The following TXNRD2 variants were observed in gnomAD, a reference collection of about 807,000 sequenced individuals.
The protein encoded by TXNRD2 is thioredoxin reductase 2, mitochondrial.
TXNRD2 carries 67 observed loss-of-function variants against 70.8 expected under a neutral mutation model. The observed-to-expected ratio is 0.95, with a 90% CI of 0.78 to 1.16. TXNRD2 has a LOEUF of 1.16. Among genes scored for constraint, TXNRD2 ranks in the 50% most tolerant of loss-of-function variants. TXNRD2 has a pLI of 0.00. For missense variants in TXNRD2, 644 were observed against 719.9 expected, an observed-to-expected ratio of 0.89 and a Z score of 1.21; for synonymous variants, 301 against 295.8, an observed-to-expected ratio of 1.02 and a Z score of -0.18.
rs144620598 is a variant in TXNRD2 at position 19,899,770 on chromosome 22, C to T, written c.663-702G>A. Among the ~76,000 whole-genome samples the T allele has an allele frequency of 2.8e-4, 43 of 152,336 alleles. 1 individual carries two copies. The South Asian group carries it at 7.9e-3, about 28-fold the overall frequency. ...ACACCTGCATGCACATACTCTTACACGGGCACAAATGTACACACACACGCA... is the reference window on the plus strand; with the variant it reads ...ACACCTGCATGCACATACTCTTACATGGGCACAAATGTACACACACACGCA... On this transcript the variant is annotated intron_variant, in intron 8 of 17. Transcript: ENST00000400521.
intron 2 of TXNRD2, among the ~76,000 whole-genome samples, chr22:19,928,373 A>C (rs1941231131): frequency 6.6e-6 from 1 of 152,174 alleles, no homozygotes; most frequent in African/African-American, 2.4e-5. Flanking sequence ...CCATAAACAG[A>C]ACACTACTCA....
intron 8 of TXNRD2, among the ~76,000 whole-genome samples, chr22:19,906,743 G>A (rs967657356): frequency 6.6e-5 from 10 of 152,162 alleles, no homozygotes; most frequent in East Asian, 1.9e-4. Flanking sequence ...GACAAACCAC[G>A]ATCAGTGGGT....
chr22:19,886,728 C>T (rs1433765867), intron 11 of TXNRD2, among the ~76,000 whole-genome samples: 1 of 152,256 alleles, frequency 6.6e-6, no homozygotes, highest in Non-Finnish European at 1.5e-5. Context: ...TGCAGGCCTC[C>T]CCATGGGGCG....
intron 9 of TXNRD2, among the ~76,000 whole-genome samples, chr22:19,898,401 G>C (rs985161962): frequency 6.6e-6 from 1 of 152,198 alleles, no homozygotes; most frequent in Non-Finnish European, 1.5e-5. Context: ...GCATCCTGGT[G>C]GATTCCAGTT....
intron 16 of TXNRD2, 44 bp from the exon 17 acceptor site, chr22:19,877,278 A>C (rs1207136254): frequency 6.9e-7 from 1 of 1,459,764 alleles, no homozygotes; most frequent in South Asian, 1.1e-5. Flanking sequence ...CAGCACAGGG[A>C]GGGGGGTCCA....
In TXNRD2 at chr22:19,915,918, C is replaced by T. The variant is rs79661740; in HGVS notation, c.450-75G>A. The T allele has an allele frequency of 1.3e-3, 1,861 of 1,383,612 alleles. 14 individuals are homozygous for T. In the African/African-American group the frequency reaches 0.024, roughly 18 times the overall value. The allele number at this position is 1,383,612 out of a possible 1,614,324, so 85.7% of individuals were successfully genotyped here. A position where few individuals can be genotyped will look rare whatever the true frequency, so the allele number is the denominator to read the frequency against. On this transcript the variant is annotated intron_variant, in intron 5 of 17. Transcript: ENST00000400521. ...TCACCAACTGGATCAATAGGGAACA[C>T]TGGTAAAAGGGAGCTCCAGCCCCCA...
intron 8 of TXNRD2, among the ~76,000 whole-genome samples, chr22:19,899,586 G>T (rs1030368690): frequency 6.6e-6 from 1 of 152,256 alleles, no homozygotes; most frequent in Non-Finnish European, 1.5e-5. Flanking sequence ...GGGGACTGAA[G>T]GACCCCAGGG....
chr22:19,941,792 C>A lies in TXNRD2; in HGVS notation c.12G>T (p.Met4Ile). The A allele has an allele frequency of 6.5e-7, 1 of 1,534,614 alleles. No individual in the cohort carries two copies. The highest frequency in any genetic ancestry group is 2.6e-5 in the East Asian group (1 of 38,238). Residue 4 changes from methionine (M) to isoleucine (I), a missense_variant, in exon 1 of 18, where the codon ATG becomes ATT. Transcript: ENST00000400521. ...CTCCTAATCCCCGCAGCGCCACCGCCATTGCCGCCATCGTCGTGGGGCTTC... is the reference window on the plus strand; with the variant it reads ...CTCCTAATCCCCGCAGCGCCACCGCAATTGCCGCCATCGTCGTGGGGCTTC... MAA[M>I]AVALRGLGGR...
intron 5 of TXNRD2, 107 bp from the exon 6 acceptor site, chr22:19,915,950 C>T (rs1940620023): frequency 9.7e-7 from 1 of 1,026,520 alleles, no homozygotes; most frequent in African/African-American, 1.6e-5. Flanking sequence ...CCCAGCAGGG[C>T]CTGGTGCTGT....
chr22:19,936,244 G>A (rs1327565870), intron 1 of TXNRD2, among the ~76,000 whole-genome samples: 1 of 151,926 alleles, frequency 6.6e-6, no homozygotes, highest in Admixed American at 6.6e-5. Context: ...TTCTGAATCT[G>A]GCCACCCTCT....
chr22:19,941,396 G>A (rs779469629), intron 1 of TXNRD2, among the ~76,000 whole-genome samples: 12 of 152,272 alleles, frequency 7.9e-5, no homozygotes, highest in Non-Finnish European at 1.6e-4. Context: ...CGGGAGGTGG[G>A]ATATCATCAT....
At chr22:19,898,871 T>C (rs1222063830) in intron 9 of TXNRD2, among the ~76,000 whole-genome samples, 178 bp downstream of exon 9, 1 of 152,202 alleles carries the variant, frequency 6.6e-6, no homozygotes, top group Non-Finnish European at 1.5e-5. Context: ...CAGGAATCCC[T>C]GGCCAGAGGT....
rs574332076 is a variant in TXNRD2, at chr22:19,935,844, G to A, written c.104-4746C>T. ...AACCCGATTCCCTTTGGTAGGTGCG[G>A]AGAAATGTTCATCGGTCCAGTCCAC... On this transcript the variant is annotated intron_variant, in intron 1 of 17. Transcript: ENST00000400521. 4.6e-5 allele frequency among the ~76,000 whole-genome samples: 7 copies of A among 151,704 alleles called. No individual in the cohort carries two copies. The East Asian group carries it at 1.4e-3, about 29-fold the overall frequency.
At chr22:19,877,933 C>A (rs1473250628) in intron 16 of TXNRD2, among the ~76,000 whole-genome samples, 157 bp downstream of exon 16, 1 of 152,196 alleles carries the variant, frequency 6.6e-6, no homozygotes, top group African/African-American at 2.4e-5. Context: ...CCCCTAAAAC[C>A]CGCCCTGTCT....
intron 2 of TXNRD2, among the ~76,000 whole-genome samples, chr22:19,929,020 G>A (rs1225624595): frequency 7.4e-6 from 1 of 135,134 alleles, no homozygotes; most frequent in Admixed American, 8.0e-5. Flanking sequence ...AAAAAAAAGA[G>A]GTAGTTAAGT....
chr22:19,909,104 G>A (rs1417304568), intron 8 of TXNRD2, among the ~76,000 whole-genome samples: 5 of 151,628 alleles, frequency 3.3e-5, no homozygotes, highest in African/African-American at 1.2e-4. Flanking sequence ...TACTCAGAGG[G>A]CTGAGACAGG....
chr22:19,889,373 G>A (rs1007109166), intron 11 of TXNRD2, among the ~76,000 whole-genome samples: 1 of 152,204 alleles, frequency 6.6e-6, no homozygotes, highest in Non-Finnish European at 1.5e-5. Context: ...AACACTTTGG[G>A]AGGCTGAGGC....
chr22:19,902,450 T>A (rs749727225), intron 8 of TXNRD2, among the ~76,000 whole-genome samples: 42 of 152,194 alleles, frequency 2.8e-4, no homozygotes, highest in Non-Finnish European at 5.3e-4. Flanking sequence ...CCAGAGGGAA[T>A]ACTCACACAA....
intron 2 of TXNRD2, among the ~76,000 whole-genome samples, chr22:19,923,538 G>A (rs1171068684): frequency 6.6e-6 from 1 of 152,180 alleles, no homozygotes; most frequent in Non-Finnish European, 1.5e-5. Flanking sequence ...TGTAATCCCA[G>A]CATTTTGGGA....
Sources: gnomAD v4.1 joint callset for allele counts (sites outside exome capture counted in the v4.1 genomes callset) on GRCh38, gnomAD v4.1.1 for gene constraint, MANE v1.5 for transcripts, NCBI Gene and HGNC (gene_info 2026-07-23, HGNC 2026-07-21) for gene names.